MORN5: variants seen among roughly 807,000 people sequenced by gnomAD.
MORN5 encodes the protein MORN repeat containing 5.
MORN5 carries 21 observed loss-of-function variants against 22.1 expected under a neutral mutation model. The ratio of observed to expected loss-of-function variants is 0.95; its 90% CI spans 0.67 to 1.37. The LOEUF (loss-of-function observed/expected upper bound fraction) is 1.37, where lower values mean the gene tolerates loss of function less well. Among genes scored for constraint, MORN5 ranks in the 40% most tolerant of loss-of-function variants. The pLI is 0.00. For missense variants in MORN5, 211 were observed against 215.1 expected (o/e 0.98, Z 0.12); for synonymous variants, 73 against 74.0 (o/e 0.99, Z 0.07).
chr9:122,164,504 T>G, intron 1 of MORN5: 1 of 934,610 alleles, frequency 1.1e-6, no homozygotes, highest in Non-Finnish European at 1.3e-6. Context: ...GCCCAGCTCC[T>G]GGCCTTGAAC....
At chr9:122,163,744 A>G (rs1326281822) in intron 1 of MORN5, among the ~76,000 whole-genome samples, 2 of 152,212 alleles carry the variant, frequency 1.3e-5, no homozygotes, top group East Asian at 1.9e-4. Context: ...CTGGTGGTGG[A>G]GGAACCACTG....
intron 1 of MORN5, 71 bp downstream of exon 1, chr9:122,160,090 CT>C (rs1398740611): frequency 9.3e-6 from 13 of 1,393,788 alleles, no homozygotes; most frequent in Non-Finnish European, 1.3e-5. Flanking sequence ...CTTTTTGCTT[CT>C]GCGAAACACC....
chr9:122,163,110 G>A (rs774800491), intron 1 of MORN5, among the ~76,000 whole-genome samples: 14 of 151,890 alleles, frequency 9.2e-5, no homozygotes, highest in Non-Finnish European at 1.8e-4. Context: ...TGGAGTAGTC[G>A]CACAATTGAG....
chr9:122,169,615 A>G (rs1829337544), intron 2 of MORN5, 30 bp from the exon 3 acceptor site: 1 of 1,522,632 alleles, frequency 6.6e-7, no homozygotes, highest in Non-Finnish European at 9.1e-7. Context: ...CAGCTTCCTC[A>G]GATGCACGTG....
At chr9:122,160,261 A>G (rs1829171502) in intron 1 of MORN5, among the ~76,000 whole-genome samples, 1 of 152,230 alleles carries the variant, frequency 6.6e-6, no homozygotes, top group Non-Finnish European at 1.5e-5. Flanking sequence ...TAGGAATAAG[A>G]ATATTTAAAA....
chr9:122,169,784 T>C, intron 3 of MORN5, 28 bp downstream of exon 3: 1 of 1,411,886 alleles, frequency 7.1e-7, no homozygotes, highest in Non-Finnish European at 1.0e-6. Context: ...CTTTCCTTCA[T>C]ACCCAAACTG....
intron 1 of MORN5, among the ~76,000 whole-genome samples, chr9:122,163,209 A>G (rs1478899631): frequency 6.6e-6 from 1 of 152,224 alleles, no homozygotes; most frequent in African/African-American, 2.4e-5. Flanking sequence ...CATAGCATTT[A>G]TGTAGTAACT....
At chr9:122,174,765 G>T (rs1451048307) in intron 4 of MORN5, 138 bp downstream of exon 4, 1 of 1,569,222 alleles carries the variant, frequency 6.4e-7, no homozygotes, top group Non-Finnish European at 8.6e-7. Context: ...TTACCTGGAT[G>T]TTTTATTTTT....
chr9:122,178,837 G>A (rs543003145), intron 4 of MORN5, among the ~76,000 whole-genome samples: 45 of 152,312 alleles, frequency 3.0e-4, no homozygotes, highest in African/African-American at 1.0e-3. Flanking sequence ...GTCAGTGGAA[G>A]TACCAAGAGG....
intron 1 of MORN5, among the ~76,000 whole-genome samples, chr9:122,162,777 A>G (rs564472240): frequency 1.3e-5 from 2 of 152,248 alleles, no homozygotes; most frequent in East Asian, 1.9e-4. Flanking sequence ...ATGCAAATCT[A>G]TGGTGACAGA....
intron 3 of MORN5, among the ~76,000 whole-genome samples, chr9:122,170,188 C>G (rs1334988389): frequency 6.6e-6 from 1 of 151,738 alleles, no homozygotes; most frequent in South Asian, 2.1e-4. Flanking sequence ...CCCAGCTACT[C>G]AGGAGGCTGA....
chr9:122,181,206 G>A (rs541171206), intron 4 of MORN5, among the ~76,000 whole-genome samples: 2 of 152,182 alleles, frequency 1.3e-5, no homozygotes, highest in East Asian at 1.9e-4. Flanking sequence ...GCTTGGGTTC[G>A]AGCACCTAGG....
intron 1 of MORN5, 128 bp from the exon 2 acceptor site, chr9:122,166,640 C>T: frequency 1.2e-6 from 1 of 861,698 alleles, no homozygotes; most frequent in Non-Finnish European, 1.7e-6. Context: ...ATTTTGTTTT[C>T]AGCAGAGTAC....
chr9:122,198,782 A>G (rs939386116), intron 4 of MORN5, among the ~76,000 whole-genome samples: 3 of 152,230 alleles, frequency 2.0e-5, no homozygotes. Context: ...ATGTGACGGA[A>G]GCCAAGCATG....
At chr9:122,162,641 A>G (rs1490055272) in intron 1 of MORN5, among the ~76,000 whole-genome samples, 1 of 152,246 alleles carries the variant, frequency 6.6e-6, no homozygotes, top group Non-Finnish European at 1.5e-5. Flanking sequence ...ACTCAGCAAT[A>G]AAAAGGAGTG....
chr9:122,185,299 T>G (rs1277480181), intron 4 of MORN5, among the ~76,000 whole-genome samples: 1 of 151,910 alleles, frequency 6.6e-6, no homozygotes, highest in Non-Finnish European at 1.5e-5. Flanking sequence ...CTCGGCTCAC[T>G]GCAAGCTCCG....
intron 3 of MORN5, among the ~76,000 whole-genome samples, chr9:122,173,138 CTGCCTGGCTCTCCCCGAACA>C (rs1033499843): frequency 4.6e-5 from 7 of 152,148 alleles, no homozygotes; most frequent in African/African-American, 1.2e-4. Flanking sequence ...TTTCCCGAAC[CTGCCTGGCTCTCCCCGAACA>C]TGCCTGGCTC....
chr9:122,174,621 A>T lies in MORN5; in HGVS notation c.433A>T (p.Asn145Tyr). The T allele has an allele frequency of 1.2e-6, 2 of 1,614,138 alleles. No homozygotes were observed. The stretch of plus-strand genomic sequence containing the variant: ...GGACTATAGGAACCGCTTTCTAAGA[A>T]ACGCAGGTAGGTTTCTTCCGACACT... ...VKDYRNRFLR[N>Y]ADDDEHEWIT... is the part of the protein sequence containing the mutation. The change falls in exon 4 of 5, where the codon AAC becomes TAC. Residue 145 changes from asparagine to tyrosine, a missense_variant. Coordinates refer to ENST00000373764, the MANE Select transcript of MORN5 (RefSeq NM_198469.4).
At chr9:122,195,836 G>C (rs1046846121) in intron 4 of MORN5, among the ~76,000 whole-genome samples, 4 of 152,004 alleles carry the variant, frequency 2.6e-5, no homozygotes, top group Non-Finnish European at 4.4e-5. Flanking sequence ...TAAATTACTT[G>C]GAATTCTCCT....
Sources: allele counts gnomAD v4.1 joint callset (sites outside exome capture counted in the v4.1 genomes callset), GRCh38; gene constraint gnomAD v4.1.1; transcripts MANE v1.5; gene names NCBI Gene and HGNC (gene_info 2026-07-23, HGNC 2026-07-21).